The following TNS1 variants were observed in gnomAD, a reference collection of about 807,000 sequenced individuals.
TNS1 encodes the protein tensin-1.
TNS1 carries 62 observed loss-of-function variants against 168.6 expected under a neutral mutation model. The ratio of observed to expected loss-of-function variants is 0.37; its 90% CI spans 0.30 to 0.45. TNS1 has a LOEUF of 0.45. Ranked by LOEUF, TNS1 falls within the 20% of genes least tolerant of loss-of-function variation. The pLI is 1.00. For missense variants in TNS1, 2,240 were observed against 2,339.4 expected, an observed-to-expected ratio of 0.96 and a Z score of 0.88; for synonymous variants, 934 against 933.2, an observed-to-expected ratio of 1.00 and a Z score of -0.02.
intron 22 of TNS1, 40 bp from the exon 23 acceptor site, chr2:217,821,978 C>T: frequency 6.5e-7 from 1 of 1,540,530 alleles, no homozygotes; most frequent in African/African-American, 1.4e-5. Context: ...AGCACAGATG[C>T]ACAGGGGTGC....
chr2:217,979,080 A>C, intron 2 of TNS1: 87 of 372,462 alleles, frequency 2.3e-4, no homozygotes, highest in Middle Eastern at 7.9e-4. Context: ...GGGGGAGCAA[A>C]GGGGGGGGTC....
chr2:217,818,837 C>T, intron 23 of TNS1, 78 bp from the exon 24 acceptor site: 1 of 1,208,314 alleles, frequency 8.3e-7, no homozygotes, highest in Non-Finnish European at 1.2e-6. Flanking sequence ...TGTCTGCCCT[C>T]CCTCCAACCA....
intron 18 of TNS1, among the ~76,000 whole-genome samples, chr2:217,862,588 A>T (rs1948880788): frequency 6.6e-6 from 1 of 152,216 alleles, no homozygotes; most frequent in Non-Finnish European, 1.5e-5. Flanking sequence ...ATTTCCTAGA[A>T]TCCCCGCATG....
chr2:217,994,306 G>A (rs1469340863), intron 1 of TNS1, among the ~76,000 whole-genome samples: 3 of 152,104 alleles, frequency 2.0e-5, no homozygotes, highest in Non-Finnish European at 4.4e-5. Context: ...ATTCCAGGGT[G>A]GGGGCCCTGG....
At chr2:218,025,394 G>A (rs915708992) in intron 1 of TNS1, among the ~76,000 whole-genome samples, 8 of 152,012 alleles carry the variant, frequency 5.3e-5, no homozygotes, top group South Asian at 2.1e-4. Context: ...TATGACAGGC[G>A]TGCACCACCA....
chr2:218,027,579 A>C (rs936925365), intron 1 of TNS1, among the ~76,000 whole-genome samples: 1 of 152,058 alleles, frequency 6.6e-6, no homozygotes, highest in Non-Finnish European at 1.5e-5. Flanking sequence ...TCCCTGCTCT[A>C]GAAACAGGTG....
chr2:217,815,881 A>C (rs1941818347), intron 24 of TNS1, among the ~76,000 whole-genome samples: 1 of 152,128 alleles, frequency 6.6e-6, no homozygotes, highest in African/African-American at 2.4e-5. Flanking sequence ...ACAAAAAAAA[A>C]ATCACTTCTC....
rs1490993963 is a variant in TNS1 at position 217,820,494 on chromosome 2, G to A, written c.3572+1246C>T. On this transcript the variant is annotated intron_variant, in intron 23 of 32. Transcript: ENST00000682258. ...TAGTCATCCCATGGTGCCCCCACTT[G>A]CAGGGGAGGCTCAGCATTGAGCCAA... 5.3e-5 allele frequency among the ~76,000 whole-genome samples: 8 copies of A among 152,264 alleles called. No homozygotes were observed. The South Asian group carries it at 1.5e-3, about 28-fold the overall frequency.
chr2:217,970,770 G>A (rs551937942), intron 3 of TNS1, among the ~76,000 whole-genome samples: 4 of 152,170 alleles, frequency 2.6e-5, no homozygotes, highest in Middle Eastern at 3.4e-3. Flanking sequence ...GTTTCTTTCC[G>A]AGCTGCTGAA....
At chr2:218,004,402 G>A (rs778786288), upstream of TNS1, among the ~76,000 whole-genome samples, 3 of 151,612 alleles carry the variant, frequency 2.0e-5, no homozygotes, top group Non-Finnish European at 4.4e-5. Flanking sequence ...ATGCCATGCC[G>A]CTGTCTGTCA....
intron 30 of TNS1, among the ~76,000 whole-genome samples, chr2:217,809,256 G>C (rs370887609): frequency 2.8e-3 from 160 of 57,334 alleles, no homozygotes; most frequent in South Asian, 6.2e-3. Context: ...TGGATGCATG[G>C]ATGGATGGAT....
In TNS1 at chr2:217,813,434, G is replaced by A. The variant is rs1941334081; in HGVS notation, c.4862-127C>T. 4 of 957,368 alleles carry A rather than the reference G, an allele frequency of 4.2e-6. No individual in the cohort carries two copies. Among genetic ancestry groups the A allele is most frequent in the South Asian group, 1.6e-5 (1 of 64,422 alleles). The allele number at this position is 957,368 out of a possible 1,614,324, so 59.3% of individuals were successfully genotyped here. A position where few individuals can be genotyped will look rare whatever the true frequency, so the allele number is the denominator to read the frequency against. The stretch of plus-strand genomic sequence containing the variant: ...TGGGAGAAATGACTGAAGAGAGAAC[G>A]TGGCTGGAGCCCCATGGACTGCAGA... On this transcript the variant is annotated intron_variant, in intron 26 of 32. Transcript: ENST00000682258. This position sits in a 1 kb window ranked among gnomAD's most constrained non-coding sequence, Gnocchi z 4.0.
intron 12 of TNS1, among the ~76,000 whole-genome samples, chr2:217,889,592 A>G (rs1951544319): frequency 6.6e-6 from 1 of 152,178 alleles, no homozygotes; most frequent in African/African-American, 2.4e-5. Flanking sequence ...CCTTCTCAGA[A>G]GGCCCTTCCA....
At chr2:217,983,391 G>C (rs534528644) in intron 2 of TNS1, among the ~76,000 whole-genome samples, 7 of 152,262 alleles carry the variant, frequency 4.6e-5, no homozygotes, top group Admixed American at 3.3e-4. Flanking sequence ...GGAGCCCCAG[G>C]AGCCCTATCT....
rs760473150 is a variant in TNS1 at position 217,847,627 on chromosome 2, G to A, written c.2890C>T (p.Leu964Phe). 1.5e-5 allele frequency: 23 copies of A among 1,580,046 alleles called. No individual in the cohort carries two copies. The highest frequency in any genetic ancestry group is 2.0e-5 in the Non-Finnish European group (23 of 1,155,164). The stretch of plus-strand genomic sequence containing the variant: ...AGAGGCTGAGCAGTGAGGCCAGGGA[G>A]AGAGGCTGGGGGTTGCTGAGGCCCT... ...PPGPQQPPAS[L>F]PGLTAQPLLS... Residue 964 changes from leucine (L) to phenylalanine (F), a missense_variant, in exon 19 of 33, where the codon CTC (leucine) becomes TTC (phenylalanine). Transcript: ENST00000682258.
chr2:217,933,746 G>A (rs1180858928), intron 3 of TNS1, among the ~76,000 whole-genome samples: 1 of 152,164 alleles, frequency 6.6e-6, no homozygotes, highest in Admixed American at 6.5e-5. Flanking sequence ...TGTCCCATCT[G>A]AGCCCCACCC....
chr2:218,006,974 T>C (rs560889692), upstream of TNS1, among the ~76,000 whole-genome samples: 127 of 152,042 alleles, frequency 8.4e-4, no homozygotes, highest in Non-Finnish European at 1.6e-3. Flanking sequence ...ACAGAGCCCA[T>C]AAAAAGCAGA....
At position 217,859,805 on chromosome 2, in the gene TNS1, T is replaced by C. The variant is rs533116434; in HGVS notation, c.1430-10718A>G. On this transcript the variant is annotated intron_variant, in intron 18 of 32. Coordinates refer to ENST00000682258, the MANE Select transcript of TNS1 (RefSeq NM_001387777.1). ...GAGAGCCATGCAGCTGAAAGGCAGG[T>C]GAACGGCCCTCAAGTTCCCACCATT... 40 of 897,126 alleles carry C rather than the reference T, an allele frequency of 4.5e-5. No individual in the cohort carries two copies. The African/African-American group carries it at 5.9e-4, about 13-fold the overall frequency. The allele number at this position is 897,126 out of a possible 1,614,324, so 55.6% of individuals were successfully genotyped here. A position where few individuals can be genotyped will look rare whatever the true frequency, so the allele number is the denominator to read the frequency against.
intron 4 of TNS1, among the ~76,000 whole-genome samples, chr2:217,911,644 A>G (rs1954419687): frequency 6.6e-6 from 1 of 152,182 alleles, no homozygotes; most frequent in African/African-American, 2.4e-5. Context: ...GGAGGCGAGC[A>G]TTACCGCAGG....
Sources: allele counts gnomAD v4.1 joint callset (sites outside exome capture counted in the v4.1 genomes callset), GRCh38; gene constraint gnomAD v4.1.1; non-coding constraint Gnocchi (gnomAD v3.1); transcripts MANE v1.5; gene names NCBI Gene and HGNC (gene_info 2026-07-23, HGNC 2026-07-21).